The following TSNARE1 variants were observed in gnomAD, a reference collection of about 807,000 sequenced individuals.
The protein encoded by TSNARE1 is t-SNARE domain-containing protein 1.
In TSNARE1, 49 loss-of-function variants were observed where a neutral mutation model predicts 62.0. The observed-to-expected ratio is 0.79, with a 90% confidence interval of 0.63 to 1.00. TSNARE1 has a LOEUF of 1.00. Among genes scored for constraint, TSNARE1 ranks in the 50% least tolerant of loss-of-function variants. The pLI, the probability that TSNARE1 is intolerant of heterozygous loss-of-function variation, is 0.00. For synonymous variants in TSNARE1, 328 were observed against 294.4 expected (o/e 1.11, Z -1.17); for missense variants, 755 against 700.1 (o/e 1.08, Z -0.88).
chr8:142,277,825 T>C, intron 11 of TSNARE1: 1 of 985,144 alleles, frequency 1.0e-6, no homozygotes, highest in African/African-American at 1.7e-5. Flanking sequence ...CAAACCTGAG[T>C]TCCTGCAGCC....
chr8:142,253,604 C>T (rs1818285064), intron 12 of TSNARE1, among the ~76,000 whole-genome samples: 1 of 151,856 alleles, frequency 6.6e-6, no homozygotes, highest in African/African-American at 2.4e-5. Flanking sequence ...CGGTCACCCC[C>T]TAGTCACCAG....
At chr8:142,399,057 C>A (rs1264080590) in intron 1 of TSNARE1, among the ~76,000 whole-genome samples, 1 of 152,186 alleles carries the variant, frequency 6.6e-6, no homozygotes, top group Non-Finnish European at 1.5e-5. Context: ...CGAAGCAAGG[C>A]CCCTGCAGGA....
At chr8:142,312,374 A>G (rs1827736927) in intron 9 of TSNARE1, among the ~76,000 whole-genome samples, 2 of 152,226 alleles carry the variant, frequency 1.3e-5, no homozygotes, top group South Asian at 4.1e-4. Context: ...CTTAAATCCC[A>G]AACACTGTAT....
intron 1 of TSNARE1, among the ~76,000 whole-genome samples, chr8:142,388,648 C>A (rs1837276931): frequency 6.7e-6 from 1 of 149,422 alleles, no homozygotes; most frequent in South Asian, 2.1e-4. Flanking sequence ...ACCTCCACCT[C>A]GCAGGTTCAA....
chr8:142,390,875 A>G (rs1277255213), intron 1 of TSNARE1, among the ~76,000 whole-genome samples: 2 of 97,370 alleles, frequency 2.1e-5, no homozygotes, highest in Admixed American at 8.8e-5. Flanking sequence ...CAGACGCTGT[A>G]CACTGCTGGG....
intron 12 of TSNARE1, among the ~76,000 whole-genome samples, chr8:142,236,108 G>C (rs549524317): frequency 2.0e-5 from 3 of 152,220 alleles, no homozygotes; most frequent in African/African-American, 7.2e-5. Context: ...CTGCCCATTC[G>C]AGGCTTCAGT....
intron 2 of TSNARE1, 61 bp from the exon 3 acceptor site, chr8:142,345,953 G>C (rs1422611978): frequency 6.4e-7 from 1 of 1,567,890 alleles, no homozygotes; most frequent in African/African-American, 1.4e-5. Context: ...GGCAGTGCCA[G>C]GCCCCCATGC....
chr8:142,353,761 C>A (rs1283423471), intron 2 of TSNARE1, among the ~76,000 whole-genome samples: 1 of 152,172 alleles, frequency 6.6e-6, no homozygotes, highest in Admixed American at 6.5e-5. Context: ...GGAGGAACCA[C>A]CCCAGCAGAG....
chr8:142,281,715 G>A (rs560131108), intron 11 of TSNARE1, among the ~76,000 whole-genome samples: 4 of 152,070 alleles, frequency 2.6e-5, no homozygotes, highest in Non-Finnish European at 5.9e-5. Context: ...TGTGGCCCAG[G>A]GTGGGTGAGC....
chr8:142,275,716 G>A (rs1226210686), intron 11 of TSNARE1: 1 of 985,460 alleles, frequency 1.0e-6, no homozygotes, highest in Non-Finnish European at 1.2e-6. Flanking sequence ...GAGCTTGGGA[G>A]GCAGGAGTAT....
intron 1 of TSNARE1, among the ~76,000 whole-genome samples, chr8:142,359,782 G>C (rs1053747885): frequency 6.6e-6 from 1 of 152,224 alleles, no homozygotes; most frequent in Non-Finnish European, 1.5e-5. Flanking sequence ...AGGACACTAA[G>C]GCCCGGGGTC....
intron 11 of TSNARE1, among the ~76,000 whole-genome samples, chr8:142,284,116 TGAG>T (rs1252586301): frequency 9.1e-6 from 1 of 109,844 alleles, no homozygotes; most frequent in Non-Finnish European, 2.3e-5. Flanking sequence ...TGTCTGTCAA[TGAG>T]GAGAGGCAGG....
intron 12 of TSNARE1, among the ~76,000 whole-genome samples, chr8:142,250,153 G>A (rs1377810925): frequency 6.6e-6 from 1 of 152,174 alleles, no homozygotes; most frequent in African/African-American, 2.4e-5. Flanking sequence ...GGCAGGCCCT[G>A]AGCTAATGAA....
chr8:142,236,699 C>T (rs1434327217), intron 12 of TSNARE1, among the ~76,000 whole-genome samples: 1 of 152,224 alleles, frequency 6.6e-6, no homozygotes, highest in Non-Finnish European at 1.5e-5. Context: ...CAGACCACCA[C>T]CTCTTCCCAC....
chr8:142,316,025 C>T (rs1444515897), intron 7 of TSNARE1, among the ~76,000 whole-genome samples: 1 of 152,252 alleles, frequency 6.6e-6, no homozygotes, highest in African/African-American at 2.4e-5. Context: ...TCTGCTCTCA[C>T]CCCACAGAAA....
At chr8:142,372,928 ACTCCCACAGGC>A (rs1836016957) in intron 1 of TSNARE1, among the ~76,000 whole-genome samples, 1 of 150,612 alleles carries the variant, frequency 6.6e-6, no homozygotes, top group South Asian at 2.1e-4. Flanking sequence ...CTCCCAGCAG[ACTCCCACAGGC>A]CTCCTCTGTG....
chr8:142,242,117 C>A (rs80058145), intron 12 of TSNARE1, among the ~76,000 whole-genome samples: 1 of 56,464 alleles, frequency 1.8e-5, no homozygotes, highest in East Asian at 4.0e-4. Context: ...GATGGAAGAC[C>A]GACATGTGAG....
chr8:142,375,240 C>T (rs1836242741), intron 1 of TSNARE1, among the ~76,000 whole-genome samples: 2 of 152,240 alleles, frequency 1.3e-5, no homozygotes, highest in Admixed American at 6.5e-5. Context: ...CAGCTGCTCC[C>T]GGCACCCACA....
At chr8:142,244,550 C>T (rs1356655793) in intron 12 of TSNARE1, among the ~76,000 whole-genome samples, 2 of 152,204 alleles carry the variant, frequency 1.3e-5, no homozygotes, top group African/African-American at 2.4e-5. Context: ...CCACATTGAT[C>T]CACAGATTCC....
Sources: allele counts gnomAD v4.1 joint callset (sites outside exome capture counted in the v4.1 genomes callset), GRCh38; gene constraint gnomAD v4.1.1; transcripts MANE v1.5; gene names NCBI Gene and HGNC (gene_info 2026-07-23, HGNC 2026-07-21).